The following MTSS1 variants were observed in gnomAD, a reference collection of about 807,000 sequenced individuals.
MTSS1 encodes the protein MTSS I-BAR domain containing 1.
In MTSS1, 18 loss-of-function variants were observed where a neutral mutation model predicts 79.0. The ratio of observed to expected loss-of-function variants is 0.23; its 90% CI spans 0.16 to 0.34. The LOEUF (loss-of-function observed/expected upper bound fraction) is 0.34. MTSS1 is among the 10% of genes least tolerant of loss of function. The probability of loss-of-function intolerance (pLI) is 1.00; values close to 1 mark genes in which losing one functional copy is unlikely to be tolerated. For missense variants in MTSS1, 815 were observed against 986.2 expected, an observed-to-expected ratio of 0.83 and a Z score of 2.33; for synonymous variants, 341 against 368.6, an observed-to-expected ratio of 0.93 and a Z score of 0.86.
At chr8:124,600,105 A>G (rs1384381967) in intron 3 of MTSS1, among the ~76,000 whole-genome samples, 1 of 151,830 alleles carries the variant, frequency 6.6e-6, no homozygotes, top group Non-Finnish European at 1.5e-5. Context: ...TCTTTGTTGC[A>G]TAAATCACAC....
intron 6 of MTSS1, chr8:124,579,593 T>C (rs777052784): frequency 6.6e-6 from 1 of 152,202 alleles, no homozygotes; most frequent in African/African-American, 2.4e-5. Flanking sequence ...CTAGAAACTG[T>C]GCAAGCTGTT....
chr8:124,559,761 C>T (rs776999925), intron 10 of MTSS1, among the ~76,000 whole-genome samples: 55 of 152,196 alleles, frequency 3.6e-4, no homozygotes, highest in Non-Finnish European at 6.8e-4. Context: ...ATCTCTGTCA[C>T]GTAAGTTGGG....
chr8:124,661,585 G>A (rs565645340), intron 3 of MTSS1, among the ~76,000 whole-genome samples: 3 of 152,300 alleles, frequency 2.0e-5, no homozygotes, highest in East Asian at 1.9e-4. Flanking sequence ...TCCTAGCCAC[G>A]CCAAAGGTGC....
At chr8:124,630,688 C>T (rs1815752996) in intron 3 of MTSS1, among the ~76,000 whole-genome samples, 1 of 152,216 alleles carries the variant, frequency 6.6e-6, no homozygotes, top group Non-Finnish European at 1.5e-5. Context: ...ATAGCCCCAA[C>T]CTGCCTCCAC....
intron 3 of MTSS1, among the ~76,000 whole-genome samples, chr8:124,618,308 A>T (rs1812803350): frequency 1.3e-5 from 2 of 151,864 alleles, no homozygotes; most frequent in Admixed American, 6.6e-5. Context: ...CTACATACCA[A>T]TTTTTCCCAA....
chr8:124,573,338 G>T (rs753869857), intron 6 of MTSS1, among the ~76,000 whole-genome samples: 1 of 152,204 alleles, frequency 6.6e-6, no homozygotes, highest in South Asian at 2.1e-4. Flanking sequence ...GAATCCTGCT[G>T]TGAACTTTCT....
In MTSS1 at chr8:124,713,080, C is replaced by A. The variant is rs545182492; in HGVS notation, c.73-8889G>T. On this transcript the variant is annotated intron_variant, in intron 1 of 13. Coordinates refer to ENST00000518547, the MANE Select transcript of MTSS1 (RefSeq NM_014751.6). The stretch of plus-strand genomic sequence containing the variant: ...TATCCTGAGCTGTCCAACAGGGGAG[C>A]CCCACATGAGGTTATTTAAAGTATG... 2.0e-4 allele frequency among the ~76,000 whole-genome samples: 31 copies of A among 152,328 alleles called. No individual in the cohort carries two copies. The South Asian group carries it at 6.4e-3, about 32-fold the overall frequency.
chr8:124,637,776 A>C (rs769802581), intron 3 of MTSS1, among the ~76,000 whole-genome samples: 28 of 152,198 alleles, frequency 1.8e-4, no homozygotes, highest in Non-Finnish European at 3.5e-4. Flanking sequence ...CCACAAGCTA[A>C]ACAGCTGTTT....
intron 3 of MTSS1, among the ~76,000 whole-genome samples, chr8:124,686,935 C>A (rs777236557): frequency 6.6e-6 from 1 of 152,082 alleles, no homozygotes; most frequent in African/African-American, 2.4e-5. Flanking sequence ...GCCATTTTAA[C>A]CAGGTGACTT....
chr8:124,613,954 G>A (rs1301550868), intron 3 of MTSS1, among the ~76,000 whole-genome samples: 1 of 152,052 alleles, frequency 6.6e-6, no homozygotes, highest in African/African-American at 2.4e-5. Context: ...TTGAGCTCAG[G>A]AGTTCAAGAC....
rs1241719292 is a variant in MTSS1 at position 124,721,154 on chromosome 8, A to G, written c.72+6730T>C. On this transcript the variant is annotated intron_variant, in intron 1 of 13. Transcript: ENST00000518547. ...TCTGCAACTGTTCCGTACGGTAGCTACTAGCCATACACGGCTATTTAAATT... is the reference window on the plus strand; with the variant it reads ...TCTGCAACTGTTCCGTACGGTAGCTGCTAGCCATACACGGCTATTTAAATT... Among the ~76,000 whole-genome samples the G allele has an allele frequency of 3.3e-5, 5 of 152,184 alleles. No individual in the cohort carries two copies. In the East Asian group the frequency reaches 9.6e-4, roughly 29 times the overall value.
Position 124,556,260 on chromosome 8 carries a change from C to T in MTSS1, c.1376G>A (p.Arg459Gln), listed in dbSNP as rs780673847. Reference sequence around the variant, plus strand: ...GGTGGCAGCCGATACAGTCATGCTCCGTGGTCTCTGAGCCTCCTCAGCTGC... The same window carrying T: ...GGTGGCAGCCGATACAGTCATGCTCTGTGGTCTCTGAGCCTCCTCAGCTGC... ...PAAAEEAQRP[R>Q]SMTVSAATRP... is the part of the protein sequence containing the mutation. The change falls in exon 12 of 14, where the codon CGG becomes CAG. Residue 459 changes from arginine to glutamine, a missense_variant. Physicochemically the swap from Arg to Gln is conservative, Grantham distance 43 (BLOSUM62 1). Around this residue, in one of 2 missense-constraint regions of MTSS1, gnomAD observed 590 missense variants for 620.8 expected, o/e 0.95. Transcript: ENST00000518547. 5.0e-6 allele frequency: 8 copies of T among 1,614,064 alleles called. No individual in the cohort carries two copies. The highest frequency in any genetic ancestry group is 2.7e-5 in the African/African-American group (2 of 74,934).
intron 6 of MTSS1, among the ~76,000 whole-genome samples, chr8:124,570,309 T>C (rs1391924945): frequency 6.6e-6 from 1 of 152,222 alleles, no homozygotes; most frequent in African/African-American, 2.4e-5. Flanking sequence ...AGTACAAATG[T>C]GTAGATAGTA....
intron 3 of MTSS1, among the ~76,000 whole-genome samples, chr8:124,674,610 C>T (rs1824942985): frequency 6.6e-6 from 1 of 152,174 alleles, no homozygotes; most frequent in African/African-American, 2.4e-5. Flanking sequence ...TCCCAAAGTG[C>T]TGGAATTATA....
At chr8:124,624,381 G>A (rs1814238926) in intron 3 of MTSS1, among the ~76,000 whole-genome samples, 1 of 152,188 alleles carries the variant, frequency 6.6e-6, no homozygotes, top group Non-Finnish European at 1.5e-5. Flanking sequence ...AAGAGAAACT[G>A]GGAGGCATGG....
intron 3 of MTSS1, among the ~76,000 whole-genome samples, chr8:124,599,114 C>A (rs1356245725): frequency 6.6e-6 from 1 of 152,210 alleles, no homozygotes; most frequent in Non-Finnish European, 1.5e-5. Context: ...ATGGAAGGGA[C>A]CCTGTGCGCT....
At chr8:124,604,429 AT>A (rs1834452832) in intron 3 of MTSS1, among the ~76,000 whole-genome samples, 1 of 152,172 alleles carries the variant, frequency 6.6e-6, no homozygotes, top group Admixed American at 6.5e-5. Context: ...AGCTGTGAAA[AT>A]AGGTTCCTTA....
chr8:124,672,200 A>G (rs554101980), intron 3 of MTSS1, among the ~76,000 whole-genome samples: 1 of 152,328 alleles, frequency 6.6e-6, no homozygotes, highest in South Asian at 2.1e-4. Context: ...TCACTTAAAA[A>G]TATGGAGAAG....
At chr8:124,591,070 T>A (rs1015676373) in intron 4 of MTSS1, 81 bp downstream of exon 4, 3 of 1,150,172 alleles carry the variant, frequency 2.6e-6, no homozygotes, top group African/African-American at 1.5e-5. Flanking sequence ...GGGATTTAAA[T>A]GCTGTGTGCC....
Sources: gnomAD v4.1 joint callset for allele counts (sites outside exome capture counted in the v4.1 genomes callset) on GRCh38, gnomAD v4.1.1 for gene constraint, gnomAD v4.1.1 regional missense constraint, MANE v1.5 for transcripts, NCBI Gene and HGNC (gene_info 2026-07-23, HGNC 2026-07-21) for gene names.